Variants in ADPRHL1 observed in about 807,000 individuals in gnomAD.
ADPRHL1 encodes the protein inactive ADP-ribosyltransferase ARH2.
ADPRHL1 carries 43 observed loss-of-function variants against 44.1 expected under a neutral mutation model. The observed-to-expected ratio is 0.98, with a 90% CI of 0.76 to 1.26. The LOEUF (loss-of-function observed/expected upper bound fraction) is 1.26. Ranked by LOEUF, ADPRHL1 falls within the 50% of genes most tolerant of loss-of-function variation. ADPRHL1 has a pLI of 0.00. For missense variants in ADPRHL1, 2,022 were observed against 2,496.9 expected (o/e 0.81, Z 4.05); for synonymous variants, 878 against 1,017.4 (o/e 0.86, Z 2.61).
At chr13:113,440,505 G>C (rs1389477687) in intron 2 of ADPRHL1, among the ~76,000 whole-genome samples, 1 of 151,052 alleles carries the variant, frequency 6.6e-6, no homozygotes, top group African/African-American at 2.4e-5. Flanking sequence ...GCCTAGGCTG[G>C]AGTGCAGTGG....
intron 1 of ADPRHL1, among the ~76,000 whole-genome samples, chr13:113,449,606 G>A (rs1484823810): frequency 2.0e-5 from 3 of 152,266 alleles, no homozygotes; most frequent in African/African-American, 7.2e-5. Flanking sequence ...CACCCGGAAG[G>A]AGGGAGCCAC....
intron 7 of ADPRHL1, among the ~76,000 whole-genome samples, chr13:113,412,429 C>T (rs889627156): frequency 2.0e-5 from 3 of 152,216 alleles, no homozygotes; most frequent in Non-Finnish European, 2.9e-5. Context: ...CCGCCTGCCT[C>T]GGCCTCCCAA....
intron 1 of ADPRHL1, among the ~76,000 whole-genome samples, chr13:113,449,955 T>C (rs530241195): frequency 6.6e-6 from 1 of 152,174 alleles, no homozygotes; most frequent in Non-Finnish European, 1.5e-5. Context: ...TCTCTGTATG[T>C]CAATTTTTTC....
Position 113,409,731 on chromosome 13 carries a change from A to T in ADPRHL1, c.1062-1511T>A, listed in dbSNP as rs778311092. On this transcript the variant is annotated intron_variant, in intron 7 of 7. Coordinates refer to ENST00000612156, the MANE Select transcript of ADPRHL1 (RefSeq NM_001394807.1). This position sits in a 1 kb window ranked among gnomAD's most constrained non-coding sequence, Gnocchi z 4.2. ...GAAACCCCGTCTCTACTAAAGATAT[A>T]AAAAAAAATCAGCCGGGCGTGGTGG... is the stretch of plus-strand genomic sequence containing the variant. 9 of 624,622 alleles carry T rather than the reference A, an allele frequency of 1.4e-5. No individual in the cohort carries two copies. The highest frequency in any genetic ancestry group is 2.0e-5 in the African/African-American group (1 of 50,050). The allele number at this position is 624,622 out of a possible 1,614,324, so 38.7% of individuals were successfully genotyped here.
At chr13:113,450,086 C>T (rs918976097) in intron 1 of ADPRHL1, among the ~76,000 whole-genome samples, 2 of 152,192 alleles carry the variant, frequency 1.3e-5, no homozygotes, top group African/African-American at 2.4e-5. Context: ...TCAGCACTCA[C>T]CATTGTCGTT....
At position 113,424,282 on chromosome 13, in the gene ADPRHL1, T is replaced by C. The variant is rs781585409; in HGVS notation, c.842A>G (p.Tyr281Cys). 5.0e-6 allele frequency: 8 copies of C among 1,612,932 alleles called. No homozygotes were observed. Among genetic ancestry groups the C allele is most frequent in the East Asian group, 4.5e-5 (2 of 44,874 alleles). Residue 281 changes from tyrosine (Y) to cysteine (C), a missense_variant, in exon 6 of 8, where the codon TAT becomes TGT. Physicochemically the swap from Tyr to Cys is radical, Grantham distance 194. Coordinates refer to ENST00000612156, the MANE Select transcript of ADPRHL1 (RefSeq NM_001394807.1). ...RRGHDAPMIA[Y>C]DALLAAGNSW... ...GTTTCCTGCTGCAAGGAGGGCGTCA[T>C]AGGCTATCATGGGGGCATCGTGGCC...
chr13:113,427,469 T>C (rs988133837), intron 4 of ADPRHL1, among the ~76,000 whole-genome samples: 6 of 152,050 alleles, frequency 3.9e-5, no homozygotes, highest in African/African-American at 1.2e-4. Flanking sequence ...CCTCAGGTGA[T>C]CCACCTGCCT....
At chr13:113,426,129 A>G (rs936878577) in intron 4 of ADPRHL1, among the ~76,000 whole-genome samples, 1 of 50,968 alleles carries the variant, frequency 2.0e-5, no homozygotes, top group Non-Finnish European at 5.1e-5. Context: ...TGCTCTAGGG[A>G]CTTCTTAAGA....
chr13:113,443,742 C>T (rs573625909), intron 2 of ADPRHL1, among the ~76,000 whole-genome samples: 7 of 152,208 alleles, frequency 4.6e-5, no homozygotes, highest in South Asian at 4.2e-4. Context: ...GTCAGGAGTT[C>T]GAGACCAGCC....
At chr13:113,433,648 C>T in intron 3 of ADPRHL1, 94 bp downstream of exon 3, 1 of 1,442,362 alleles carries the variant, frequency 6.9e-7, no homozygotes, top group Middle Eastern at 2.5e-4. Context: ...CTCCAGGCCC[C>T]CGCCCCCCAC....
At chr13:113,434,757 G>T (rs1455609566) in intron 2 of ADPRHL1, among the ~76,000 whole-genome samples, 5 of 92,980 alleles carry the variant, frequency 5.4e-5, no homozygotes, top group Non-Finnish European at 6.8e-5. Context: ...GTGTACCCTG[G>T]GACCCAGCAC....
chr13:113,405,094 C>T lies in ADPRHL1; in HGVS notation c.4188G>A (p.Gly1396=). 1 of 1,232,226 alleles carries T rather than the reference C, an allele frequency of 8.1e-7. No homozygotes were observed. The highest frequency in any genetic ancestry group is 1.0e-6 in the Non-Finnish European group (1 of 988,324). 76.3% of individuals were successfully genotyped at this position (1,232,226 alleles called of 1,614,324 possible). A position where few individuals can be genotyped will look rare whatever the true frequency, so the allele number is the denominator to read the frequency against. ...QEETPQPGDA[G]KRVAPSGSKV... The stretch of plus-strand genomic sequence containing the variant: ...TCGAGCCCGACGGCGCCACCCTCTT[C>T]CCCGCATCCCCGGGCTGGGGGGTCT... Residue 1396 remains glycine (G), a synonymous_variant, in exon 8 of 8, where the codon GGG becomes GGA. Coordinates refer to ENST00000612156, the MANE Select transcript of ADPRHL1 (RefSeq NM_001394807.1).
chr13:113,416,204 C>T (rs955739405), intron 7 of ADPRHL1, among the ~76,000 whole-genome samples: 1 of 152,096 alleles, frequency 6.6e-6, no homozygotes, highest in East Asian at 1.9e-4. Flanking sequence ...ACTAATGAAT[C>T]AGCTGGAGAA....
At chr13:113,440,253 G>T (rs1163785014) in intron 2 of ADPRHL1, among the ~76,000 whole-genome samples, 2 of 152,096 alleles carry the variant, frequency 1.3e-5, no homozygotes, top group Admixed American at 1.3e-4. Context: ...GTCAGTTTTT[G>T]CTTCATATAT....
intron 2 of ADPRHL1, among the ~76,000 whole-genome samples, chr13:113,442,545 G>T (rs1436683942): frequency 6.6e-6 from 1 of 152,156 alleles, no homozygotes; most frequent in Admixed American, 6.5e-5. Flanking sequence ...CACTCACATC[G>T]CTCTGACAAG....
chr13:113,439,856 G>T (rs1383271526), intron 2 of ADPRHL1, among the ~76,000 whole-genome samples: 1 of 152,166 alleles, frequency 6.6e-6, no homozygotes, highest in African/African-American at 2.4e-5. Flanking sequence ...AATCTAAGTT[G>T]TTAAATGTAT....
At chr13:113,425,238 C>G in intron 4 of ADPRHL1, 59 bp from the exon 5 acceptor site, 2 of 189,950 alleles carry the variant, frequency 1.1e-5, no homozygotes, top group South Asian at 1.1e-4. Flanking sequence ...GGGGCGGGTG[C>G]AGGGAGTTGG....
At chr13:113,419,041 C>T (rs1246276697) in intron 7 of ADPRHL1, among the ~76,000 whole-genome samples, 4 of 151,530 alleles carry the variant, frequency 2.6e-5, no homozygotes, top group Non-Finnish European at 4.4e-5. Flanking sequence ...TTCCCCTCCC[C>T]TTCCCTTCCT....
chr13:113,430,584 G>A (rs1243339985), intron 3 of ADPRHL1, among the ~76,000 whole-genome samples: 2 of 152,114 alleles, frequency 1.3e-5, no homozygotes, highest in Non-Finnish European at 2.9e-5. Flanking sequence ...AGCAGTGGTT[G>A]TCGTACTAGT....
Sources: gnomAD v4.1 joint callset for allele counts (sites outside exome capture counted in the v4.1 genomes callset) on GRCh38, gnomAD v4.1.1 for gene constraint, Gnocchi (gnomAD v3.1) non-coding constraint, MANE v1.5 for transcripts, NCBI Gene and HGNC (gene_info 2026-07-23, HGNC 2026-07-21) for gene names.